Variants in CNIH3 observed in about 807,000 individuals in gnomAD.
CNIH3 encodes cornichon family AMPA receptor auxiliary protein 3.
CNIH3 carries 14 observed loss-of-function variants against 24.1 expected under a neutral mutation model. The ratio of observed to expected loss-of-function variants is 0.58; its 90% confidence interval spans 0.38 to 0.91. The LOEUF (loss-of-function observed/expected upper bound fraction) is 0.91. Among genes scored for constraint, CNIH3 ranks in the 40% least tolerant of loss-of-function variants. The probability of loss-of-function intolerance (pLI) is 0.00; values close to 1 mark genes in which losing one functional copy is unlikely to be tolerated. For synonymous variants in CNIH3, 68 were observed against 73.8 expected (o/e 0.92, Z 0.40); for missense variants, 178 against 196.8 (o/e 0.90, Z 0.57).
intron 1 of CNIH3, among the ~76,000 whole-genome samples, chr1:224,643,729 G>T (rs1045106930): frequency 6.6e-6 from 1 of 152,226 alleles, no homozygotes; most frequent in Non-Finnish European, 1.5e-5. Context: ...TCAGCAGAAC[G>T]AGAGTCCTTC....
chr1:224,435,265 T>C (rs1674599477), intron 1 of CNIH3: 2 of 962,066 alleles, frequency 2.1e-6, no homozygotes. Flanking sequence ...CCCCTCTCAA[T>C]GGTAACCAGG....
chr1:224,498,797 G>A (rs754414656), intron 1 of CNIH3, among the ~76,000 whole-genome samples: 1 of 152,234 alleles, frequency 6.6e-6, no homozygotes, highest in Non-Finnish European at 1.5e-5. Context: ...CTGCCCTGGC[G>A]TCATCAGCCC....
At chr1:224,695,344 C>A (rs1292864637) in intron 3 of CNIH3, among the ~76,000 whole-genome samples, 2 of 133,236 alleles carry the variant, frequency 1.5e-5, no homozygotes, top group African/African-American at 5.4e-5. Flanking sequence ...TCCTTAAAAT[C>A]TCTCTCTTTC....
intron 3 of CNIH3, among the ~76,000 whole-genome samples, chr1:224,606,293 A>G (rs552270659): frequency 1.4e-4 from 22 of 152,284 alleles, no homozygotes; most frequent in Non-Finnish European, 2.6e-4. Context: ...TCTGGCATCC[A>G]GGAAGAATCA....
intron 3 of CNIH3, among the ~76,000 whole-genome samples, chr1:224,606,536 G>A (rs1682431450): frequency 1.3e-5 from 2 of 152,074 alleles, no homozygotes; most frequent in South Asian, 2.1e-4. Context: ...CTGCACCTCT[G>A]CCAGTGGAGC....
At chr1:224,486,717 G>A (rs1014297323) in intron 1 of CNIH3, among the ~76,000 whole-genome samples, 8 of 152,212 alleles carry the variant, frequency 5.3e-5, no homozygotes, top group Non-Finnish European at 7.4e-5. Flanking sequence ...GCTTTTTAAA[G>A]GTTGCTAAAA....
chr1:224,563,077 A>G (rs180964608), intron 3 of CNIH3, among the ~76,000 whole-genome samples: 3 of 152,234 alleles, frequency 2.0e-5, no homozygotes, highest in East Asian at 3.9e-4. Context: ...GTGGTTTTAC[A>G]TAATATAGGA....
chr1:224,464,322 G>T (rs1340166128), intron 1 of CNIH3, among the ~76,000 whole-genome samples: 1 of 151,202 alleles, frequency 6.6e-6, no homozygotes, highest in Non-Finnish European at 1.5e-5. Context: ...TTTGAGATGG[G>T]GTCTCTATAT....
chr1:224,714,962 A>T (rs1688351118), intron 3 of CNIH3, among the ~76,000 whole-genome samples: 1 of 152,220 alleles, frequency 6.6e-6, no homozygotes. Context: ...AAGGAACAGG[A>T]TCAATATTTC....
chr1:224,626,717 A>G (rs1401532372), intron 1 of CNIH3, among the ~76,000 whole-genome samples: 1 of 152,160 alleles, frequency 6.6e-6, no homozygotes, highest in Non-Finnish European at 1.5e-5. Context: ...GAAGCCTATT[A>G]CAACATAGCA....
intron 1 of CNIH3, among the ~76,000 whole-genome samples, chr1:224,659,894 G>C (rs1685265005): frequency 6.6e-6 from 1 of 152,144 alleles, no homozygotes; most frequent in African/African-American, 2.4e-5. Flanking sequence ...CACATTCTGA[G>C]ACATGAATAT....
chr1:224,665,025 T>C (rs1256533260), intron 1 of CNIH3: 1 of 152,226 alleles, frequency 6.6e-6, no homozygotes, highest in African/African-American at 2.4e-5. Flanking sequence ...TATTTTCAAT[T>C]ATTTTTCTCT....
At chr1:224,722,807 A>G (rs1688794523) in intron 3 of CNIH3, among the ~76,000 whole-genome samples, 1 of 152,238 alleles carries the variant, frequency 6.6e-6, no homozygotes, top group African/African-American at 2.4e-5. Flanking sequence ...GCCAGGCTGT[A>G]GAGCAGGGCA....
At chr1:224,651,022 TG>T (rs1684832853) in intron 1 of CNIH3, among the ~76,000 whole-genome samples, 2 of 151,946 alleles carry the variant, frequency 1.3e-5, no homozygotes, top group South Asian at 4.2e-4. Flanking sequence ...TTCCAGTAGA[TG>T]GTGGGCTGGA....
intron 1 of CNIH3, among the ~76,000 whole-genome samples, chr1:224,650,880 C>G (rs1279471835): frequency 6.6e-6 from 1 of 152,100 alleles, no homozygotes; most frequent in Non-Finnish European, 1.5e-5. Flanking sequence ...AGGTAAAGAT[C>G]TGGATTCCTT....
At chr1:224,562,450 G>T (rs924239729) in intron 3 of CNIH3, among the ~76,000 whole-genome samples, 5 of 152,124 alleles carry the variant, frequency 3.3e-5, no homozygotes, top group African/African-American at 1.2e-4. Context: ...GAAAAATGTG[G>T]GTTTAAGGGA....
intron 3 of CNIH3, among the ~76,000 whole-genome samples, chr1:224,720,399 T>A (rs1688653176): frequency 6.6e-6 from 1 of 152,106 alleles, no homozygotes; most frequent in Non-Finnish European, 1.5e-5. Flanking sequence ...TCTTGTTACA[T>A]AAGAGACCTG....
At chr1:224,661,020 A>T (rs1685328309) in intron 1 of CNIH3, among the ~76,000 whole-genome samples, 1 of 152,260 alleles carries the variant, frequency 6.6e-6, no homozygotes, top group South Asian at 2.1e-4. Flanking sequence ...AAAGTCTATG[A>T]CAAATAGGAG....
At position 224,616,984 on chromosome 1, in the gene CNIH3, G is replaced by C. The variant is rs1454924672; in HGVS notation, c.-191G>C. 1.4e-6 allele frequency: 2 copies of C among 1,408,238 alleles called. No homozygotes were observed. Among genetic ancestry groups the C allele is most frequent in the African/African-American group, 2.9e-5 (2 of 68,926 alleles). The allele number at this position is 1,408,238 out of a possible 1,614,324, so 87.2% of individuals were successfully genotyped here. ...TCGCCGGAGGGCCGGGTCTGGGGTC[G>C]CCGGAGCCTGCGGGAATCCAGCGCT... On this transcript the variant is annotated 5_prime_UTR_variant, in exon 1 of 6. Transcript: ENST00000272133.
Sources: gnomAD v4.1 joint callset for allele counts (sites outside exome capture counted in the v4.1 genomes callset) on GRCh38, gnomAD v4.1.1 for gene constraint, MANE v1.5 for transcripts, NCBI Gene and HGNC (gene_info 2026-07-23, HGNC 2026-07-21) for gene names.